Variants in FAM135A observed in about 807,000 individuals in gnomAD.
FAM135A encodes family with sequence similarity 135 member A.
In FAM135A, 79 loss-of-function variants were observed where a neutral mutation model predicts 146.8. That is an observed-to-expected ratio of 0.54 (90% CI 0.45 to 0.65). The LOEUF (loss-of-function observed/expected upper bound fraction) is 0.65. FAM135A is among the 30% of genes least tolerant of loss of function. FAM135A has a pLI of 0.00. For missense variants in FAM135A, 1,623 were observed against 1,758.2 expected (o/e 0.92, Z 1.38); for synonymous variants, 562 against 603.6 (o/e 0.93, Z 1.01).
At chr6:70,436,532 C>G (rs970315614) in intron 4 of FAM135A, among the ~76,000 whole-genome samples, 1 of 151,954 alleles carries the variant, frequency 6.6e-6, no homozygotes, top group Non-Finnish European at 1.5e-5. Flanking sequence ...CAGCAGTTTA[C>G]AGATGGAGTA....
chr6:70,456,763 C>A (rs9455119), intron 5 of FAM135A, among the ~76,000 whole-genome samples: 3,242 of 152,150 alleles, frequency 0.021, 109 homozygotes, highest in African/African-American at 0.074. Flanking sequence ...ATTTCTCTAC[C>A]TCTGCTTATT....
intron 2 of FAM135A, among the ~76,000 whole-genome samples, chr6:70,417,906 A>G (rs1767910216): frequency 6.6e-6 from 1 of 152,124 alleles, no homozygotes; most frequent in Non-Finnish European, 1.5e-5. Context: ...ACAGAGAAAC[A>G]TATAGCTTTT....
chr6:70,554,207 C>T (rs1175045051), intron 20 of FAM135A, among the ~76,000 whole-genome samples: 1 of 152,118 alleles, frequency 6.6e-6, no homozygotes, highest in African/African-American at 2.4e-5. Flanking sequence ...TAAAATTACC[C>T]ATCAGAAAAG....
At chr6:70,479,225 G>A (rs2128172301) in intron 8 of FAM135A, among the ~76,000 whole-genome samples, 1 of 152,276 alleles carries the variant, frequency 6.6e-6, no homozygotes, top group South Asian at 2.1e-4. Flanking sequence ...ATTAAACAGA[G>A]TAGATATTCA....
At chr6:70,424,456 A>C (rs979374729) in intron 2 of FAM135A, among the ~76,000 whole-genome samples, 2 of 152,172 alleles carry the variant, frequency 1.3e-5, no homozygotes, top group South Asian at 2.1e-4. Context: ...TATGCACCCA[A>C]CATCTTTTGA....
chr6:70,454,024 C>A (rs1777707077), intron 5 of FAM135A, among the ~76,000 whole-genome samples: 1 of 152,180 alleles, frequency 6.6e-6, no homozygotes, highest in African/African-American at 2.4e-5. Flanking sequence ...TTTACACTCC[C>A]ACCAACAGTG....
In FAM135A at chr6:70,473,714, ACC is replaced by A. The variant is rs1021067936; in HGVS notation, c.158-1693_158-1692del. Among the ~76,000 whole-genome samples, 14 of 151,904 alleles carry A rather than the reference ACC, an allele frequency of 9.2e-5. No individual in the cohort carries two copies. In the South Asian group the frequency reaches 2.1e-3, roughly 23 times the overall value. ...ACTCCCTTATGTGGACCTCCTCCTT[ACC>A]CCACTTGACCTCAGTAAGGCCTTGT... On this transcript the variant is annotated intron_variant, in intron 5 of 21. Transcript: ENST00000418814.
intron 20 of FAM135A, among the ~76,000 whole-genome samples, chr6:70,546,496 A>G (rs903579846): frequency 1.3e-5 from 2 of 152,214 alleles, no homozygotes; most frequent in African/African-American, 4.8e-5. Flanking sequence ...TTTCTATGCA[A>G]CATATCATTA....
chr6:70,441,069 C>G (rs1395660485), intron 4 of FAM135A, among the ~76,000 whole-genome samples: 2 of 152,108 alleles, frequency 1.3e-5, no homozygotes, highest in African/African-American at 2.4e-5. Flanking sequence ...AATATAAACT[C>G]ATGGATTTTC....
intron 18 of FAM135A, 153 bp from the exon 19 acceptor site, chr6:70,536,102 TCAAAA>T: frequency 1.7e-6 from 1 of 595,226 alleles, no homozygotes; most frequent in African/African-American, 2.0e-5. Flanking sequence ...ATTTTTTCCT[TCAAAA>T]TGTGGTATAT....
At chr6:70,548,863 A>C (rs1315042086) in intron 20 of FAM135A, among the ~76,000 whole-genome samples, 1 of 152,054 alleles carries the variant, frequency 6.6e-6, no homozygotes, top group African/African-American at 2.4e-5. Context: ...CTAATACATA[A>C]CAACCCAAAA....
chr6:70,525,318 ATGT>A lies in FAM135A; in HGVS notation c.2238_2240del (p.Val748del). 1 of 1,611,646 alleles carries A rather than the reference ATGT, an allele frequency of 6.2e-7. No homozygotes were observed. The highest frequency in any genetic ancestry group is 8.5e-7 in the Non-Finnish European group (1 of 1,179,036). On this transcript the variant is annotated inframe_deletion, in exon 15 of 22. Coordinates refer to ENST00000418814, the MANE Select transcript of FAM135A (RefSeq NM_001162529.3). ...CCTGCCCCTTCTACAAAAGAATATC[ATGT>A]TGTAGTAAGTGGAGATACAATTAAG...
intron 4 of FAM135A, among the ~76,000 whole-genome samples, chr6:70,428,984 C>T (rs1007286250): frequency 5.3e-5 from 8 of 151,970 alleles, no homozygotes; most frequent in African/African-American, 7.3e-5. Context: ...AACTTCTTGG[C>T]GTTTTGGCTA....
intron 12 of FAM135A, chr6:70,503,519 A>C (rs1356920804): frequency 6.6e-6 from 1 of 152,186 alleles, no homozygotes; most frequent in Non-Finnish European, 1.5e-5. Context: ...TAATTAAAGC[A>C]TACACCCTTT....
chr6:70,496,513 C>G (rs1260598479), intron 11 of FAM135A, among the ~76,000 whole-genome samples: 1 of 152,114 alleles, frequency 6.6e-6, no homozygotes, highest in Non-Finnish European at 1.5e-5. Context: ...TAATTAGATC[C>G]CATTTGTCAA....
At chr6:70,438,700 C>G (rs926986251) in intron 4 of FAM135A, among the ~76,000 whole-genome samples, 1 of 152,104 alleles carries the variant, frequency 6.6e-6, no homozygotes, top group Non-Finnish European at 1.5e-5. Flanking sequence ...GACGAAAGTT[C>G]TCGACTTTAG....
chr6:70,557,073 C>G (rs1800986407), intron 21 of FAM135A: 4 of 570,602 alleles, frequency 7.0e-6, no homozygotes, highest in Non-Finnish European at 1.2e-5. Flanking sequence ...CATCTAATTA[C>G]AAATGCCTCT....
chr6:70,480,100 G>C (rs941480779), intron 8 of FAM135A, among the ~76,000 whole-genome samples: 4 of 152,140 alleles, frequency 2.6e-5, no homozygotes, highest in Admixed American at 1.3e-4. Context: ...AAATGCTTTG[G>C]CCTACTTTAT....
intron 3 of FAM135A, 97 bp downstream of exon 3, chr6:70,426,629 A>AT (rs1404732204): frequency 6.6e-5 from 10 of 152,186 alleles, no homozygotes; most frequent in African/African-American, 2.2e-4. Context: ...AGGGTCTGAG[A>AT]TTTTACCCCA....
Sources: allele counts gnomAD v4.1 joint callset (sites outside exome capture counted in the v4.1 genomes callset), GRCh38; gene constraint gnomAD v4.1.1; transcripts MANE v1.5; gene names NCBI Gene and HGNC (gene_info 2026-07-23, HGNC 2026-07-21).